ASTN2: variants seen among roughly 807,000 people sequenced by gnomAD.
The protein encoded by ASTN2 is astrotactin 2.
Under a neutral mutation model 139.8 loss-of-function variants are expected in ASTN2, and 54 were observed. The ratio of observed to expected loss-of-function variants is 0.39; its 90% CI spans 0.31 to 0.48. The LOEUF (loss-of-function observed/expected upper bound fraction) is 0.48. Ranked by LOEUF, ASTN2 falls within the 20% of genes least tolerant of loss-of-function variation. The probability of loss-of-function intolerance (pLI) is 0.95; values close to 1 mark genes in which losing one functional copy is unlikely to be tolerated. For synonymous variants in ASTN2, 756 were observed against 719.5 expected, an observed-to-expected ratio of 1.05 and a Z score of -0.81; for missense variants, 1,565 against 1,725.1, an observed-to-expected ratio of 0.91 and a Z score of 1.64.
At chr9:116,745,329 G>A (rs1229482457) in intron 13 of ASTN2, among the ~76,000 whole-genome samples, 2 of 152,210 alleles carry the variant, frequency 1.3e-5, no homozygotes, top group African/African-American at 4.8e-5. Flanking sequence ...TCTCTGAACT[G>A]TGAACTCCTT....
In ASTN2 at chr9:116,424,898, C is replaced by G. The variant is rs994952632; in HGVS notation, c.*953G>C. Reference sequence around the variant, plus strand: ...GCCACTGTGCCTGGCAAGCAAATCCCATCTTTTTCACCTCTCTGTCTGGCT... The same window carrying G: ...GCCACTGTGCCTGGCAAGCAAATCCGATCTTTTTCACCTCTCTGTCTGGCT... On this transcript the variant is annotated 3_prime_UTR_variant, in exon 23 of 23. Coordinates refer to ENST00000313400, the MANE Select transcript of ASTN2 (RefSeq NM_001365068.1). Among the ~76,000 whole-genome samples the G allele has an allele frequency of 6.6e-6, 1 of 152,084 alleles. No individual in the cohort carries two copies. The highest frequency in any genetic ancestry group is 1.5e-5 in the Non-Finnish European group (1 of 68,016).
intron 22 of ASTN2, among the ~76,000 whole-genome samples, chr9:116,427,276 C>T (rs1374271041): frequency 4.6e-5 from 7 of 152,294 alleles, no homozygotes; most frequent in South Asian, 4.2e-4. Flanking sequence ...GAAGAATTTT[C>T]AATAGCACTC....
chr9:116,600,964 A>T (rs967775408), intron 19 of ASTN2, among the ~76,000 whole-genome samples: 9 of 152,016 alleles, frequency 5.9e-5, no homozygotes, highest in African/African-American at 1.9e-4. Flanking sequence ...TAGGGTGATT[A>T]AAAAAAAGAT....
intron 13 of ASTN2, among the ~76,000 whole-genome samples, chr9:116,803,312 G>GTT (rs1830917060): frequency 8.8e-6 from 1 of 114,254 alleles, no homozygotes; most frequent in Non-Finnish European, 1.9e-5. Context: ...CCTGATTTTT[G>GTT]TTCTTTTTTT....
At chr9:116,724,701 C>T (rs1299913948) in intron 16 of ASTN2, among the ~76,000 whole-genome samples, 2 of 152,128 alleles carry the variant, frequency 1.3e-5, no homozygotes, top group East Asian at 3.8e-4. Context: ...GTTATGATTG[C>T]TTTTGTTCTT....
At chr9:117,008,518 C>A (rs1489100429) in intron 6 of ASTN2, among the ~76,000 whole-genome samples, 1 of 152,142 alleles carries the variant, frequency 6.6e-6, no homozygotes, top group Non-Finnish European at 1.5e-5. Flanking sequence ...AATTCAGAAT[C>A]TGCCCTTACT....
intron 16 of ASTN2, among the ~76,000 whole-genome samples, chr9:116,707,637 T>C (rs544502503): frequency 7.2e-5 from 11 of 152,224 alleles, no homozygotes; most frequent in African/African-American, 2.2e-4. Context: ...TTTGACCCAA[T>C]TGGAAATCCA....
At chr9:117,014,309 G>A (rs926250953) in intron 6 of ASTN2, among the ~76,000 whole-genome samples, 10 of 152,080 alleles carry the variant, frequency 6.6e-5, no homozygotes, top group African/African-American at 2.2e-4. Context: ...AACTATTTAC[G>A]GGGTGGGTGA....
At chr9:116,798,740 G>C (rs1002622801) in intron 13 of ASTN2, among the ~76,000 whole-genome samples, 1 of 152,150 alleles carries the variant, frequency 6.6e-6, no homozygotes, top group Admixed American at 6.5e-5. Flanking sequence ...AGCCAAGTTT[G>C]TTTCTCACTA....
At chr9:116,925,777 C>T (rs185238814) in intron 10 of ASTN2, among the ~76,000 whole-genome samples, 26 of 152,070 alleles carry the variant, frequency 1.7e-4, no homozygotes, top group African/African-American at 5.5e-4. Context: ...ATCAAGCTTC[C>T]TGATGTTCAG....
chr9:116,475,364 G>A (rs1483570651), intron 20 of ASTN2, among the ~76,000 whole-genome samples: 1 of 152,048 alleles, frequency 6.6e-6, no homozygotes, highest in East Asian at 1.9e-4. Flanking sequence ...TCCTTACAAA[G>A]CATGGCTTAG....
chr9:116,865,893 G>A (rs1833001620), intron 10 of ASTN2, among the ~76,000 whole-genome samples: 1 of 152,112 alleles, frequency 6.6e-6, no homozygotes, highest in African/African-American at 2.4e-5. Context: ...TTTATTCATT[G>A]TACAAGCTTA....
intron 3 of ASTN2, among the ~76,000 whole-genome samples, chr9:117,169,555 G>C (rs931779782): frequency 2.6e-5 from 4 of 152,068 alleles, no homozygotes; most frequent in African/African-American, 9.7e-5. Context: ...AGATAAAACA[G>C]CCCATTCTGT....
At chr9:116,681,879 A>G (rs1859894167) in intron 16 of ASTN2, among the ~76,000 whole-genome samples, 1 of 150,752 alleles carries the variant, frequency 6.6e-6, no homozygotes, top group African/African-American at 2.4e-5. Context: ...TTAATTCAAG[A>G]TGGATTAAAG....
intron 3 of ASTN2, among the ~76,000 whole-genome samples, chr9:117,145,946 G>A (rs1292148035): frequency 1.3e-5 from 2 of 152,140 alleles, no homozygotes; most frequent in Admixed American, 1.3e-4. Flanking sequence ...AAGGCACACA[G>A]AGAAGGAAGG....
chr9:117,078,125 C>T (rs542247953), intron 5 of ASTN2, among the ~76,000 whole-genome samples: 1 of 152,182 alleles, frequency 6.6e-6, no homozygotes, highest in Non-Finnish European at 1.5e-5. Flanking sequence ...AATATTGTTT[C>T]TCACCACACC....
intron 5 of ASTN2, among the ~76,000 whole-genome samples, chr9:117,065,095 G>A (rs1220236416): frequency 6.6e-6 from 1 of 152,138 alleles, no homozygotes; most frequent in Non-Finnish European, 1.5e-5. Flanking sequence ...GAGGAAAACA[G>A]GGATTGGAGC....
chr9:116,524,524 A>G (rs1468154376), intron 19 of ASTN2, among the ~76,000 whole-genome samples: 1 of 152,138 alleles, frequency 6.6e-6, no homozygotes, highest in East Asian at 1.9e-4. Context: ...GCAAGATGAC[A>G]TGAGTTCCAG....
At chr9:116,564,362 A>G (rs73524172) in intron 19 of ASTN2, among the ~76,000 whole-genome samples, 2,244 of 152,196 alleles carry the variant, frequency 0.015, 43 homozygotes, top group African/African-American at 0.052. Flanking sequence ...GGGGCTGGAG[A>G]TGACTCAGCA....
Sources: gnomAD v4.1 joint callset for allele counts (sites outside exome capture counted in the v4.1 genomes callset) on GRCh38, gnomAD v4.1.1 for gene constraint, MANE v1.5 for transcripts, NCBI Gene and HGNC (gene_info 2026-07-23, HGNC 2026-07-21) for gene names.